The following KCNQ1OT1 variants were observed in gnomAD, a reference collection of about 807,000 sequenced individuals.
The protein encoded by KCNQ1OT1 is KCNQ1 antisense RNA 2 (non-protein coding).
rs1849970771 is a variant in KCNQ1OT1, at chr11:2,662,149, G to A, written n.37846C>T. ...TGGAGCTCAAGGAGTCAGACTTGGT[G>A]CTGGGGAAGCCTTGCTCTCTGGCCA... is the stretch of plus-strand genomic sequence containing the variant. On this transcript the variant is annotated non_coding_transcript_exon_variant, in exon 1 of 1. Transcript: ENST00000597346. 32 of 1,604,962 alleles carry A rather than the reference G, an allele frequency of 2.0e-5. No individual in the cohort carries two copies. The South Asian group carries it at 3.4e-4, about 17-fold the overall frequency.
Position 2,661,938 on chromosome 11 carries a change from C to T in KCNQ1OT1, n.38057G>A. On this transcript the variant is annotated non_coding_transcript_exon_variant, in exon 1 of 1. Transcript: ENST00000597346. This position sits in a 1 kb window ranked among gnomAD's most constrained non-coding sequence, Gnocchi z 5.9. ...CAGGTTGGGTGGGAGGCCTAACGTG[C>T]TGTCCCCACACTTTCTCCTCAGTAA... The T allele has an allele frequency of 6.2e-7, 1 of 1,614,140 alleles. No homozygotes were observed. Among genetic ancestry groups the T allele is most frequent in the Non-Finnish European group, 8.5e-7 (1 of 1,180,034 alleles).
chr11:2,690,131 A>T lies in KCNQ1OT1; in HGVS notation n.9864T>A, dbSNP rs1434187437. ...GGGTTAGAACTGGGGGAGCAGGGAC[A>T]AAAAGCGGGCAGCCCTCCCCAGCAT... On this transcript the variant is annotated non_coding_transcript_exon_variant, in exon 1 of 1. Coordinates refer to ENST00000597346, the Ensembl canonical transcript of KCNQ1OT1. This position sits in a 1 kb window ranked among gnomAD's most constrained non-coding sequence, Gnocchi z 5.1. 1 of 398,882 alleles carries T rather than the reference A, an allele frequency of 2.5e-6. No individual in the cohort carries two copies. The highest frequency in any genetic ancestry group is 1.3e-4 in the South Asian group (1 of 7,870). 24.7% of individuals were successfully genotyped at this position (398,882 alleles called of 1,614,324 possible).
In KCNQ1OT1 at chr11:2,657,392, T is replaced by C. The variant is rs1241181477; in HGVS notation, n.42603A>G. The C allele has an allele frequency of 1.5e-5, 6 of 398,438 alleles. No homozygotes were observed. The highest frequency in any genetic ancestry group is 4.4e-5 in the Admixed American group (1 of 22,722). The allele number at this position is 398,438 out of a possible 1,614,324, so 24.7% of individuals were successfully genotyped here. A position where few individuals can be genotyped will look rare whatever the true frequency, so the allele number is the denominator to read the frequency against. On this transcript the variant is annotated non_coding_transcript_exon_variant, in exon 1 of 1. Transcript: ENST00000597346. The surrounding 1 kb of genome is among the most constrained non-coding windows in gnomAD (Gnocchi z 4.8). ...TCTTCTTCATTGTCTCTTACTAAAG[T>C]TTTACAATTTTCTCCAGAGTTCTTG... is the stretch of plus-strand genomic sequence containing the variant.
In KCNQ1OT1 at chr11:2,613,813, A is replaced by G. The variant is rs535336765; in HGVS notation, n.86182T>C. 65 of 398,462 alleles carry G rather than the reference A, an allele frequency of 1.6e-4. No individual in the cohort carries two copies. Among genetic ancestry groups the G allele is most frequent in the Middle Eastern group, 6.3e-4 (1 of 1,588 alleles). The allele number at this position is 398,462 out of a possible 1,614,324, so 24.7% of individuals were successfully genotyped here. A position where few individuals can be genotyped will look rare whatever the true frequency, so the allele number is the denominator to read the frequency against. Reference sequence around the variant, plus strand: ...TCTTCCATCCTAATTCCCCCTACCCATTATAGGTAACCAGTTTCAGTGTTT... The same window carrying G: ...TCTTCCATCCTAATTCCCCCTACCCGTTATAGGTAACCAGTTTCAGTGTTT... On this transcript the variant is annotated non_coding_transcript_exon_variant, in exon 1 of 1. Coordinates refer to ENST00000597346, the Ensembl canonical transcript of KCNQ1OT1. This position sits in a 1 kb window ranked among gnomAD's most constrained non-coding sequence, Gnocchi z 4.8.
At position 2,698,768 on chromosome 11, in the gene KCNQ1OT1, C is replaced by A; in HGVS notation, n.1227G>T. ...TCAACTCAGAGCCATGATGCAGACTCCAGACCGGGATTCAGGTCCCCAACT... is the reference window on the plus strand; with the variant it reads ...TCAACTCAGAGCCATGATGCAGACTACAGACCGGGATTCAGGTCCCCAACT... On this transcript the variant is annotated non_coding_transcript_exon_variant, in exon 1 of 1. Transcript: ENST00000597346. The surrounding 1 kb of genome is among the most constrained non-coding windows in gnomAD (Gnocchi z 5.1). 1 of 398,898 alleles carries A rather than the reference C, an allele frequency of 2.5e-6. No individual in the cohort carries two copies. The highest frequency in any genetic ancestry group is 4.4e-6 in the Non-Finnish European group (1 of 226,176). The allele number at this position is 398,898 out of a possible 1,614,324, so 24.7% of individuals were successfully genotyped here. A position where few individuals can be genotyped will look rare whatever the true frequency, so the allele number is the denominator to read the frequency against.
chr11:2,667,647 G>C (rs1850104531), exon 1 of KCNQ1OT1: 1 of 398,634 alleles, frequency 2.5e-6, no homozygotes, highest in Non-Finnish European at 4.4e-6. Flanking sequence ...ATACCTGAAA[G>C]GGGAGATTGA....
rs926185296 is a variant in KCNQ1OT1, at chr11:2,653,889, C to A, written n.46106G>T. 3 of 398,512 alleles carry A rather than the reference C, an allele frequency of 7.5e-6. No homozygotes were observed. Among genetic ancestry groups the A allele is most frequent in the African/African-American group, 6.2e-5 (3 of 48,596 alleles). 24.7% of individuals were successfully genotyped at this position (398,512 alleles called of 1,614,324 possible). ...ACTAGGAGTGGGAAAGGAAGAGCCC[C>A]CTAAGGAAGATTTGAGAAGCTGTTC... On this transcript the variant is annotated non_coding_transcript_exon_variant, in exon 1 of 1. Transcript: ENST00000597346. The surrounding 1 kb of genome is among the most constrained non-coding windows in gnomAD (Gnocchi z 5.3).
Position 2,620,710 on chromosome 11 carries a change from AT to A in KCNQ1OT1, n.79284del, listed in dbSNP as rs1251233113. 1 of 398,574 alleles carries A rather than the reference AT, an allele frequency of 2.5e-6. No individual in the cohort carries two copies. The highest frequency in any genetic ancestry group is 6.3e-4 in the Middle Eastern group (1 of 1,588). 24.7% of individuals were successfully genotyped at this position (398,574 alleles called of 1,614,324 possible). A position where few individuals can be genotyped will look rare whatever the true frequency, so the allele number is the denominator to read the frequency against. On this transcript the variant is annotated non_coding_transcript_exon_variant, in exon 1 of 1. Transcript: ENST00000597346. The surrounding 1 kb of genome is among the most constrained non-coding windows in gnomAD (Gnocchi z 4.5). ...TTTTCCTTTGAATATATATCCAGTA[AT>A]GGGATTGCTGGGTCAGATGGTAGTT...
rs542079442 is a variant in KCNQ1OT1 at position 2,669,206 on chromosome 11, A to G, written n.30789T>C. 2.5e-6 allele frequency: 1 copy of G among 398,704 alleles called. No individual in the cohort carries two copies. The highest frequency in any genetic ancestry group is 1.3e-4 in the South Asian group (1 of 7,856). The allele number at this position is 398,704 out of a possible 1,614,324, so 24.7% of individuals were successfully genotyped here. On this transcript the variant is annotated non_coding_transcript_exon_variant, in exon 1 of 1. Transcript: ENST00000597346. This position sits in a 1 kb window ranked among gnomAD's most constrained non-coding sequence, Gnocchi z 5.6. ...GCTTCCTTCTCACTGTAGTTTGCTA[A>G]CAGGTTTTGACAGCTGGTCCTGCTG...
exon 1 of KCNQ1OT1, chr11:2,637,150 T>A (rs1341676864): frequency 1.3e-5 from 2 of 152,192 alleles, no homozygotes; most frequent in East Asian, 3.8e-4. Context: ...ATTCATTGAT[T>A]TTTTGAAGGG....
At position 2,645,035 on chromosome 11, in the gene KCNQ1OT1, C is replaced by T; in HGVS notation, n.54960G>A. ...GGGAAACCAATTTTGGGCCTCCAGG[C>T]AACTTGCTCAGGTGCCAATGATGAC... is the stretch of plus-strand genomic sequence containing the variant. On this transcript the variant is annotated non_coding_transcript_exon_variant, in exon 1 of 1. Transcript: ENST00000597346. This position sits in a 1 kb window ranked among gnomAD's most constrained non-coding sequence, Gnocchi z 5.8. The T allele has an allele frequency of 2.5e-6, 1 of 398,786 alleles. No homozygotes were observed. The highest frequency in any genetic ancestry group is 4.4e-6 in the Non-Finnish European group (1 of 226,216). The allele number at this position is 398,786 out of a possible 1,614,324, so 24.7% of individuals were successfully genotyped here.
At chr11:2,689,092 G>A (rs2133889827) in exon 1 of KCNQ1OT1, 1 of 398,790 alleles carries the variant, frequency 2.5e-6, no homozygotes, top group Non-Finnish European at 4.4e-6. Flanking sequence ...CCTGGAAGTT[G>A]GGTAGTCTGG....
rs1294525200 is a variant in KCNQ1OT1, at chr11:2,690,445, T to G, written n.9550A>C. The G allele has an allele frequency of 5.0e-6, 2 of 398,434 alleles. No individual in the cohort carries two copies. Among genetic ancestry groups the G allele is most frequent in the Non-Finnish European group, 8.8e-6 (2 of 226,086 alleles). The allele number at this position is 398,434 out of a possible 1,614,324, so 24.7% of individuals were successfully genotyped here. ...GGGGTCCTGGGAGCTAGAGCTGGGTTAAGATAAGAGCAGAGACTGGGTCCT... is the reference window on the plus strand; with the variant it reads ...GGGGTCCTGGGAGCTAGAGCTGGGTGAAGATAAGAGCAGAGACTGGGTCCT... On this transcript the variant is annotated non_coding_transcript_exon_variant, in exon 1 of 1. Coordinates refer to ENST00000597346, the Ensembl canonical transcript of KCNQ1OT1. This position sits in a 1 kb window ranked among gnomAD's most constrained non-coding sequence, Gnocchi z 5.1.
rs1000331860 is a variant in KCNQ1OT1, at chr11:2,613,487, C to T, written n.86508G>A. On this transcript the variant is annotated non_coding_transcript_exon_variant, in exon 1 of 1. Transcript: ENST00000597346. The surrounding 1 kb of genome is among the most constrained non-coding windows in gnomAD (Gnocchi z 4.8). ...GCCTTCTTTGTTGCTGGTCCTCAAGCCTACCGTGCCCCTGAGCTTGGGTGG... is the reference window on the plus strand; with the variant it reads ...GCCTTCTTTGTTGCTGGTCCTCAAGTCTACCGTGCCCCTGAGCTTGGGTGG... The T allele has an allele frequency of 2.0e-5, 8 of 398,448 alleles. No individual in the cohort carries two copies. The highest frequency in any genetic ancestry group is 1.4e-4 in the African/African-American group (7 of 48,592). The allele number at this position is 398,448 out of a possible 1,614,324, so 24.7% of individuals were successfully genotyped here.
exon 1 of KCNQ1OT1, chr11:2,662,180 C>G: frequency 6.5e-7 from 1 of 1,532,102 alleles, no homozygotes; most frequent in Non-Finnish European, 8.9e-7. Context: ...GGCCAGAGTG[C>G]TATCTACTCG....
Position 2,679,322 on chromosome 11 carries a change from T to A in KCNQ1OT1, n.20673A>T, listed in dbSNP as rs1850347145. The A allele has an allele frequency of 2.5e-6, 1 of 398,542 alleles. No individual in the cohort carries two copies. Among genetic ancestry groups the A allele is most frequent in the South Asian group, 1.3e-4 (1 of 7,868 alleles). 24.7% of individuals were successfully genotyped at this position (398,542 alleles called of 1,614,324 possible). On this transcript the variant is annotated non_coding_transcript_exon_variant, in exon 1 of 1. Transcript: ENST00000597346. The surrounding 1 kb of genome is among the most constrained non-coding windows in gnomAD (Gnocchi z 4.8). Reference sequence around the variant, plus strand: ...TAATAACAGGGTCTGGAGTCTGAACTCATATCCTAATTCCACTACTTTCTA... The same window carrying A: ...TAATAACAGGGTCTGGAGTCTGAACACATATCCTAATTCCACTACTTTCTA...
Position 2,658,680 on chromosome 11 carries a change from G to C in KCNQ1OT1, n.41315C>G, listed in dbSNP as rs1849896212. 1 of 398,454 alleles carries C rather than the reference G, an allele frequency of 2.5e-6. No individual in the cohort carries two copies. Among genetic ancestry groups the C allele is most frequent in the Non-Finnish European group, 4.4e-6 (1 of 226,022 alleles). The allele number at this position is 398,454 out of a possible 1,614,324, so 24.7% of individuals were successfully genotyped here. On this transcript the variant is annotated non_coding_transcript_exon_variant, in exon 1 of 1. Coordinates refer to ENST00000597346, the Ensembl canonical transcript of KCNQ1OT1. This position sits in a 1 kb window ranked among gnomAD's most constrained non-coding sequence, Gnocchi z 4.9. ...CTTCAGTCTCCTCTCAGTGGACAGA[G>C]CTAGGAAATATATGTATGTATGTAA...
chr11:2,667,995 G>C (rs1029279825), exon 1 of KCNQ1OT1: 1 of 398,560 alleles, frequency 2.5e-6, no homozygotes, highest in Non-Finnish European at 4.4e-6. Context: ...CACTGACCTT[G>C]AGATTAACCA....
At position 2,647,809 on chromosome 11, in the gene KCNQ1OT1, T is replaced by C; in HGVS notation, n.52186A>G. 2.5e-6 allele frequency: 1 copy of C among 398,594 alleles called. No individual in the cohort carries two copies. Among genetic ancestry groups the C allele is most frequent in the Non-Finnish European group, 4.4e-6 (1 of 226,062 alleles). 24.7% of individuals were successfully genotyped at this position (398,594 alleles called of 1,614,324 possible). ...TTGTTCATAATGGTCTCTAATAATC[T>C]TTTGTATTTCTGTGGTGTCCATTGT... On this transcript the variant is annotated non_coding_transcript_exon_variant, in exon 1 of 1. Coordinates refer to ENST00000597346, the Ensembl canonical transcript of KCNQ1OT1. The surrounding 1 kb of genome is among the most constrained non-coding windows in gnomAD (Gnocchi z 4.0).
Sources: allele counts gnomAD v4.1 joint callset, GRCh38; gene constraint gnomAD v4.1.1; non-coding constraint Gnocchi (gnomAD v3.1); transcripts MANE v1.5; gene names NCBI Gene and HGNC (gene_info 2026-07-23, HGNC 2026-07-21).